IGF1R: variants seen among roughly 807,000 people sequenced by gnomAD.
IGF1R encodes the protein insulin-like growth factor 1 receptor.
In IGF1R, 44 loss-of-function variants were observed where a neutral mutation model predicts 144.6. The observed-to-expected ratio is 0.30, with a 90% confidence interval of 0.24 to 0.39. The LOEUF (loss-of-function observed/expected upper bound fraction) is 0.39. Among genes scored for constraint, IGF1R ranks in the 10% least tolerant of loss-of-function variants. IGF1R has a pLI of 1.00. For synonymous variants in IGF1R, 795 were observed against 722.8 expected (o/e 1.10, Z -1.60); for missense variants, 1,355 against 1,833.7 (o/e 0.74, Z 4.77).
intron 10 of IGF1R, among the ~76,000 whole-genome samples, chr15:98,920,205 C>G (rs564943794): frequency 2.0e-5 from 3 of 152,028 alleles, no homozygotes; most frequent in African/African-American, 7.3e-5. Context: ...TTTGGGCGTA[C>G]GATTTGGAAA....
chr15:98,720,645 A>G (rs2054225957), intron 2 of IGF1R, among the ~76,000 whole-genome samples: 1 of 152,222 alleles, frequency 6.6e-6, no homozygotes, highest in Non-Finnish European at 1.5e-5. Flanking sequence ...GTGATAGGGC[A>G]GAAGGAAATA....
At chr15:98,928,688 C>T (rs939812971) in intron 13 of IGF1R, among the ~76,000 whole-genome samples, 4 of 152,168 alleles carry the variant, frequency 2.6e-5, no homozygotes, top group African/African-American at 9.6e-5. Flanking sequence ...TGAATTGTTG[C>T]CATATGTGAA....
chr15:98,913,377 C>A, intron 8 of IGF1R, 95 bp downstream of exon 8: 1 of 943,468 alleles, frequency 1.1e-6, no homozygotes, highest in Non-Finnish European at 1.8e-6. Context: ...TAGCAGTGAG[C>A]TATGCCTGTT....
chr15:98,734,392 A>G (rs980276080), intron 2 of IGF1R, among the ~76,000 whole-genome samples: 8 of 151,288 alleles, frequency 5.3e-5, no homozygotes, highest in African/African-American at 1.5e-4. Context: ...TCTCATGCCT[A>G]TTTTTTTTTC....
At chr15:98,721,439 A>G (rs963715063) in intron 2 of IGF1R, among the ~76,000 whole-genome samples, 57 of 152,164 alleles carry the variant, frequency 3.7e-4, no homozygotes, top group African/African-American at 1.2e-3. Flanking sequence ...GTAAAAATCC[A>G]TCTCCCATGT....
chr15:98,683,191 T>C (rs537155394), intron 1 of IGF1R, among the ~76,000 whole-genome samples: 47 of 152,178 alleles, frequency 3.1e-4, no homozygotes, highest in African/African-American at 1.1e-3. Flanking sequence ...TGGAATAGGG[T>C]TGATCTCAAG....
At chr15:98,937,613 C>G (rs2016204740) in intron 17 of IGF1R, among the ~76,000 whole-genome samples, 1 of 152,200 alleles carries the variant, frequency 6.6e-6, no homozygotes, top group African/African-American at 2.4e-5. Flanking sequence ...GTTTCACTTA[C>G]GTATCTCACT....
intron 5 of IGF1R, among the ~76,000 whole-genome samples, chr15:98,902,823 C>G (rs2014552389): frequency 6.6e-6 from 1 of 152,144 alleles, no homozygotes; most frequent in South Asian, 2.1e-4. Context: ...CAGAACAATT[C>G]AAGGTACAGA....
intron 1 of IGF1R, among the ~76,000 whole-genome samples, chr15:98,665,016 G>A (rs897786670): frequency 6.8e-6 from 1 of 147,176 alleles, no homozygotes; most frequent in African/African-American, 2.5e-5. Context: ...GGAGTGTGGT[G>A]GCGCAATCTT....
rs1237732452 is a variant in IGF1R, at chr15:98,929,626, TTGG to T, written c.2854_2856del (p.Val952del). The T allele has an allele frequency of 6.2e-6, 10 of 1,613,834 alleles. No individual in the cohort carries two copies. Among genetic ancestry groups the T allele is most frequent in the Non-Finnish European group, 8.5e-6 (10 of 1,179,920 alleles). On this transcript the variant is annotated inframe_deletion, in exon 14 of 21. Transcript: ENST00000650285. ...CGCTGTCCTGTTGATCGTGGGAGGG[TTGG>T]TGATTATGCTGTACGTCTTCCATAG... is the stretch of plus-strand genomic sequence containing the variant.
At chr15:98,725,057 G>A (rs952212762) in intron 2 of IGF1R, among the ~76,000 whole-genome samples, 3 of 152,220 alleles carry the variant, frequency 2.0e-5, no homozygotes, top group African/African-American at 4.8e-5. Context: ...CCCAGCTGGG[G>A]TTAGAACCTG....
intron 2 of IGF1R, among the ~76,000 whole-genome samples, chr15:98,867,869 T>C (rs1479998898): frequency 1.3e-5 from 2 of 152,164 alleles, no homozygotes; most frequent in African/African-American, 4.8e-5. Flanking sequence ...ATTTTGAAGT[T>C]AGGTTAAGCA....
intron 15 of IGF1R, among the ~76,000 whole-genome samples, chr15:98,930,508 G>T (rs1288298173): frequency 2.0e-5 from 3 of 151,752 alleles, no homozygotes; most frequent in Non-Finnish European, 4.4e-5. Context: ...GTCAAAACTT[G>T]TGGGACTGTA....
rs1008969535 is a variant in IGF1R, at chr15:98,958,543, A to G, written c.*1101A>G. On this transcript the variant is annotated 3_prime_UTR_variant, in exon 21 of 21. Transcript: ENST00000650285. ...AGAAGAAAAGCAGTCAATGGATTCA[A>G]GCATTCTAAGCTTTGTTGACATTTT... 7 of 233,050 alleles carry G rather than the reference A, an allele frequency of 3.0e-5. No individual in the cohort carries two copies. The highest frequency in any genetic ancestry group is 3.6e-4 in the South Asian group (2 of 5,518). The allele number at this position is 233,050 out of a possible 1,614,324, so 14.4% of individuals were successfully genotyped here.
chr15:98,863,724 T>C (rs922720261), intron 2 of IGF1R, among the ~76,000 whole-genome samples: 4 of 152,216 alleles, frequency 2.6e-5, no homozygotes, highest in Non-Finnish European at 4.4e-5. Flanking sequence ...GTGAAGAAGA[T>C]GACAGGAGAT....
chr15:98,731,421 C>G (rs977346701), intron 2 of IGF1R, among the ~76,000 whole-genome samples: 3 of 152,200 alleles, frequency 2.0e-5, no homozygotes, highest in Admixed American at 6.5e-5. Context: ...TCCATTTTCC[C>G]CTCATATGAC....
chr15:98,957,190 G>A lies in IGF1R; in HGVS notation c.3852G>A (p.Glu1284=), dbSNP rs746049391. 1.9e-6 allele frequency: 3 copies of A among 1,614,262 alleles called. No homozygotes were observed. The highest frequency in any genetic ancestry group is 1.7e-6 in the Non-Finnish European group (2 of 1,180,050). Residue 1284 remains glutamate (E), a synonymous_variant, in exon 21 of 21, where the codon GAG becomes GAA. Transcript: ENST00000650285. ...FREVSFYYSE[E]NKLPEPEELD... is the part of the protein sequence containing the mutation. Reference sequence around the variant, plus strand: ...AGGTCTCCTTCTACTACAGCGAGGAGAACAAGCTGCCCGAGCCGGAGGAGC... The same window carrying A: ...AGGTCTCCTTCTACTACAGCGAGGAAAACAAGCTGCCCGAGCCGGAGGAGC...
At position 98,876,807 on chromosome 15, in the gene IGF1R, G is replaced by A. The variant is rs541427680; in HGVS notation, c.641-14518G>A. ...AGGCTTATGTGGTAATTCTGTTAAC[G>A]AGAATGTATGATTATCTGGGATACT... On this transcript the variant is annotated intron_variant, in intron 2 of 20. Coordinates refer to ENST00000650285, the MANE Select transcript of IGF1R (RefSeq NM_000875.5). Among the ~76,000 whole-genome samples, 11 of 152,266 alleles carry A rather than the reference G, an allele frequency of 7.2e-5. No homozygotes were observed. In the East Asian group the frequency reaches 7.7e-4, roughly 11 times the overall value.
intron 20 of IGF1R, among the ~76,000 whole-genome samples, chr15:98,953,625 C>T (rs2016864780): frequency 6.6e-6 from 1 of 152,084 alleles, no homozygotes; most frequent in Non-Finnish European, 1.5e-5. Context: ...AAGACTTGGG[C>T]CAGGAAGCCA....
Sources: allele counts gnomAD v4.1 joint callset (sites outside exome capture counted in the v4.1 genomes callset), GRCh38; gene constraint gnomAD v4.1.1; transcripts MANE v1.5; gene names NCBI Gene and HGNC (gene_info 2026-07-23, HGNC 2026-07-21).